The following CCDC146 variants were observed in gnomAD, a reference collection of about 807,000 sequenced individuals.
The protein encoded by CCDC146 is coiled-coil domain containing 146.
CCDC146 carries 92 observed loss-of-function variants against 119.3 expected under a neutral mutation model. The ratio of observed to expected loss-of-function variants is 0.77; its 90% CI spans 0.65 to 0.92. The LOEUF is 0.92. CCDC146 is among the 40% of genes least tolerant of loss of function. CCDC146 has a pLI of 0.00. For missense variants in CCDC146, 1,000 were observed against 1,103.0 expected (o/e 0.91, Z 1.32); for synonymous variants, 372 against 371.8 (o/e 1.00, Z -0.01).
intron 2 of CCDC146, among the ~76,000 whole-genome samples, chr7:77,228,949 T>C (rs1175958947): frequency 6.6e-6 from 1 of 152,238 alleles, no homozygotes; most frequent in African/African-American, 2.4e-5. Context: ...ATCACCTAGG[T>C]ATTAAGCCCA....
intron 6 of CCDC146, chr7:77,257,119 A>C (rs1312952979): frequency 2.6e-5 from 4 of 153,344 alleles, no homozygotes; most frequent in Non-Finnish European, 5.8e-5. Context: ...AACAACAACA[A>C]CAACAAAACG....
At chr7:77,215,458 T>C (rs1792285996) in intron 2 of CCDC146, among the ~76,000 whole-genome samples, 1 of 152,086 alleles carries the variant, frequency 6.6e-6, no homozygotes, top group African/African-American at 2.4e-5. Context: ...CCTCCCCTTT[T>C]TCTTTAAGTG....
At chr7:77,150,914 A>T (rs1409525164) in intron 1 of CCDC146, among the ~76,000 whole-genome samples, 1 of 152,238 alleles carries the variant, frequency 6.6e-6, no homozygotes, top group Non-Finnish European at 1.5e-5. Flanking sequence ...AATGTAGATG[A>T]ATCTCAAAAA....
At chr7:77,269,416 C>G (rs1262741936) in intron 9 of CCDC146, among the ~76,000 whole-genome samples, 1 of 151,408 alleles carries the variant, frequency 6.6e-6, no homozygotes, top group African/African-American at 2.4e-5. Flanking sequence ...GTTTTTGTCT[C>G]TTTCTTTTTA....
intron 1 of CCDC146, among the ~76,000 whole-genome samples, chr7:77,160,917 A>C (rs937557898): frequency 1.3e-5 from 2 of 152,222 alleles, no homozygotes; most frequent in African/African-American, 2.4e-5. Flanking sequence ...CAGAATCTAC[A>C]ATGAACTCAA....
Position 77,130,754 on chromosome 7 carries a change from A to G in CCDC146, c.-12+8022A>G, listed in dbSNP as rs1439884745. Among the ~76,000 whole-genome samples, 3 of 149,428 alleles carry G rather than the reference A, an allele frequency of 2.0e-5. No homozygotes were observed. In the South Asian group the frequency reaches 6.3e-4, roughly 31 times the overall value. On this transcript the variant is annotated intron_variant, in intron 1 of 18. Transcript: ENST00000285871. ...GCTGGGACTACAGGCGCGCGCCACC[A>G]TGCCCGGCTAATTTTTGTATTTTTA...
At chr7:77,253,084 G>A (rs3108424) in intron 4 of CCDC146, among the ~76,000 whole-genome samples, 94,185 of 152,084 alleles carry the variant, frequency 0.62, 30,074 homozygotes, top group South Asian at 0.71. Flanking sequence ...GGATAGAAGT[G>A]TAGACAAGGT....
chr7:77,160,736 C>T (rs1791248358), intron 1 of CCDC146, among the ~76,000 whole-genome samples: 1 of 152,034 alleles, frequency 6.6e-6, no homozygotes, highest in South Asian at 2.1e-4. Context: ...TTGACTTCCT[C>T]TTTTCCTAAT....
intron 2 of CCDC146, among the ~76,000 whole-genome samples, chr7:77,185,537 G>A (rs1408380797): frequency 6.6e-6 from 1 of 152,188 alleles, no homozygotes; most frequent in Non-Finnish European, 1.5e-5. Flanking sequence ...TGTTTCTGTT[G>A]TTGGGGTGCC....
chr7:77,288,505 T>C (rs1442323485), intron 17 of CCDC146, among the ~76,000 whole-genome samples: 1 of 152,170 alleles, frequency 6.6e-6, no homozygotes, highest in African/African-American at 2.4e-5. Context: ...CGGGACTCAC[T>C]CCTTCCTCAG....
chr7:77,171,557 C>T (rs1452558301), intron 2 of CCDC146, among the ~76,000 whole-genome samples: 1 of 152,196 alleles, frequency 6.6e-6, no homozygotes, highest in Non-Finnish European at 1.5e-5. Context: ...CCATCAGTAC[C>T]CCTAAGCTGT....
intron 15 of CCDC146, among the ~76,000 whole-genome samples, chr7:77,283,898 T>A (rs1300423977): frequency 6.6e-6 from 1 of 152,198 alleles, no homozygotes; most frequent in Non-Finnish European, 1.5e-5. Context: ...AGTTTGTTTG[T>A]TTTTTTAATT....
intron 2 of CCDC146, among the ~76,000 whole-genome samples, chr7:77,182,244 C>A (rs1791600981): frequency 6.6e-6 from 1 of 152,070 alleles, no homozygotes; most frequent in Non-Finnish European, 1.5e-5. Flanking sequence ...AAAGAAAAAA[C>A]CCTGATCATT....
At chr7:77,227,170 G>C (rs991116008) in intron 2 of CCDC146, among the ~76,000 whole-genome samples, 1 of 152,138 alleles carries the variant, frequency 6.6e-6, no homozygotes, top group Non-Finnish European at 1.5e-5. Flanking sequence ...GGTTTGTAAG[G>C]CACCAAAGGC....
At chr7:77,187,360 T>C (rs1791684120) in intron 2 of CCDC146, among the ~76,000 whole-genome samples, 1 of 152,230 alleles carries the variant, frequency 6.6e-6, no homozygotes, top group African/African-American at 2.4e-5. Flanking sequence ...AGTTTGATTA[T>C]GTCACATTTA....
intron 1 of CCDC146, among the ~76,000 whole-genome samples, chr7:77,156,076 A>G: frequency 1.3e-5 from 2 of 152,190 alleles, no homozygotes; most frequent in Non-Finnish European, 2.9e-5. Flanking sequence ...GCACCCTTCC[A>G]TCCTCGGGAG....
intron 13 of CCDC146, 28 bp from the exon 14 acceptor site, chr7:77,280,401 C>T (rs1409274782): frequency 6.6e-7 from 1 of 1,523,036 alleles, no homozygotes; most frequent in African/African-American, 1.4e-5. Flanking sequence ...AAATTATAAT[C>T]TTACCCATTG....
intron 1 of CCDC146, among the ~76,000 whole-genome samples, chr7:77,132,164 G>A (rs28896556): frequency 1.3e-5 from 2 of 150,868 alleles, no homozygotes; most frequent in African/African-American, 4.9e-5. Flanking sequence ...AATAATAATA[G>A]CAGTTTTACA....
At chr7:77,238,917 T>A (rs369962349) in intron 3 of CCDC146, among the ~76,000 whole-genome samples, 2 of 152,236 alleles carry the variant, frequency 1.3e-5, no homozygotes, top group South Asian at 4.1e-4. Context: ...TTTTACATCT[T>A]GACCACTTAG....
Sources: gnomAD v4.1 joint callset for allele counts (sites outside exome capture counted in the v4.1 genomes callset) on GRCh38, gnomAD v4.1.1 for gene constraint, MANE v1.5 for transcripts, NCBI Gene and HGNC (gene_info 2026-07-23, HGNC 2026-07-21) for gene names.